Variants in SPATA24 observed in about 807,000 individuals in gnomAD.
The protein encoded by SPATA24 is spermatogenesis associated 24, also known as spermatogenesis-associated protein 24.
SPATA24 carries 21 observed loss-of-function variants against 28.9 expected under a neutral mutation model. That is an observed-to-expected ratio of 0.73 (90% CI 0.52 to 1.05). The LOEUF (loss-of-function observed/expected upper bound fraction) is 1.05, where lower values mean the gene tolerates loss of function less well. Among genes scored for constraint, SPATA24 ranks in the 50% least tolerant of loss-of-function variants. The probability of loss-of-function intolerance (pLI) is 0.00; values close to 1 mark genes in which losing one functional copy is unlikely to be tolerated. For missense variants in SPATA24, 215 were observed against 242.9 expected (o/e 0.88, Z 0.76); for synonymous variants, 76 against 89.9 (o/e 0.85, Z 0.88).
downstream of SPATA24, chr5:139,393,154 G>A: frequency 6.5e-7 from 1 of 1,546,376 alleles, no homozygotes; most frequent in Non-Finnish European, 8.7e-7. Flanking sequence ...AGAGCCTTGT[G>A]CTCCTGCCGG....
downstream of SPATA24, chr5:139,396,335 G>T (rs1758704986): frequency 1.0e-6 from 1 of 985,318 alleles, no homozygotes; most frequent in Admixed American, 6.1e-5. Flanking sequence ...ACCACACACA[G>T]CATTGTCTTT....
Position 139,402,672 on chromosome 5 carries a change from A to C in SPATA24, c.139T>G (p.Phe47Val). Residue 47 changes from phenylalanine to valine, a missense_variant, in exon 2 of 6, where the codon TTT (phenylalanine) becomes GTT (valine). Physicochemically the swap from Phe to Val is conservative, Grantham distance 50 (BLOSUM62 -1). Coordinates refer to ENST00000450845, the MANE Select transcript of SPATA24 (RefSeq NM_194296.2). ...RNVMVLQDEN[F>V]VSKEEFQAVE... is the part of the protein sequence containing the mutation. ...GCCTGGAACTCTTCTTTACTGACAAAATTTTCGTCCTGGAGAACCATCTGC... is the reference window on the plus strand; with the variant it reads ...GCCTGGAACTCTTCTTTACTGACAACATTTTCGTCCTGGAGAACCATCTGC... 6.4e-7 allele frequency: 1 copy of C among 1,551,762 alleles called. No individual in the cohort carries two copies. The highest frequency in any genetic ancestry group is 8.7e-7 in the Non-Finnish European group (1 of 1,146,986).
Position 139,404,077 on chromosome 5 carries a change from C to G in SPATA24, c.-17G>C, listed in dbSNP as rs1758882187. ...CGTCGCCATCTTCCGCCCCCGCCAG[C>G]TAGTTGGAAATGGCTGCCTCGGGGG... On this transcript the variant is annotated 5_prime_UTR_variant, in exon 1 of 6. Coordinates refer to ENST00000450845, the MANE Select transcript of SPATA24 (RefSeq NM_194296.2). The G allele has an allele frequency of 1.9e-6, 3 of 1,547,628 alleles. No individual in the cohort carries two copies. The highest frequency in any genetic ancestry group is 2.4e-5 in the South Asian group (2 of 83,974).
chr5:139,393,088 G>A (rs1758628043), downstream of SPATA24: 1 of 1,525,476 alleles, frequency 6.6e-7, no homozygotes. Context: ...CGGCTCTTGC[G>A]TCTTGGATTC....
Position 139,398,875 on chromosome 5 carries a change from T to C in SPATA24, c.386-1732A>G. 1.8e-5 allele frequency among the ~76,000 whole-genome samples: 2 copies of C among 111,530 alleles called. 1 individual carries two copies. The highest frequency in any genetic ancestry group is 3.3e-5 in the Non-Finnish European group (2 of 60,118). 73.2% of individuals were successfully genotyped at this position (111,530 alleles called of 152,430 possible). A position where few individuals can be genotyped will look rare whatever the true frequency, so the allele number is the denominator to read the frequency against. ...CCCGTCTCTACTAAAAATACAAAAATTAGCTGGGTGTGGTGGCACATGCCT... is the reference window on the plus strand; with the variant it reads ...CCCGTCTCTACTAAAAATACAAAAACTAGCTGGGTGTGGTGGCACATGCCT... On this transcript the variant is annotated intron_variant, in intron 4 of 5. Coordinates refer to ENST00000450845, the MANE Select transcript of SPATA24 (RefSeq NM_194296.2).
rs545107721 is a variant in SPATA24 at position 139,397,267 on chromosome 5, C to A, written c.386-124G>T. The A allele has an allele frequency of 2.6e-5, 17 of 663,502 alleles. No individual in the cohort carries two copies. The East Asian group carries it at 4.3e-4, about 17-fold the overall frequency. 41.1% of individuals were successfully genotyped at this position (663,502 alleles called of 1,614,324 possible). A position where few individuals can be genotyped will look rare whatever the true frequency, so the allele number is the denominator to read the frequency against. ...CCACCCAAGAGTTCTCCATGAAGAA[C>A]TGCTAATACCTTAGTATGAATGAGT... On this transcript the variant is annotated intron_variant, in intron 4 of 5. Transcript: ENST00000450845.
chr5:139,403,956 C>G lies in SPATA24; in HGVS notation c.105G>C (p.Gln35His), dbSNP rs1194524886. 1 of 1,551,496 alleles carries G rather than the reference C, an allele frequency of 6.4e-7. No homozygotes were observed. The highest frequency in any genetic ancestry group is 1.4e-5 in the African/African-American group (1 of 73,050). Reference protein sequence around the residue: ...VIESQEELIHQLRNVMVLQDE... With the variant: ...VIESQEELIHHLRNVMVLQDE... ...TCTGGCTGCATACCACGTTCCTCAG[C>G]TGGTGGATTAGTTCCTCCTGAGACT... is the stretch of plus-strand genomic sequence containing the variant. The change falls in exon 1 of 6, where the codon CAG becomes CAC. Residue 35 changes from glutamine to histidine, a missense_variant. Transcript: ENST00000450845.
At chr5:139,402,525 G>A in intron 2 of SPATA24, 103 bp downstream of exon 2, 1 of 1,057,330 alleles carries the variant, frequency 9.5e-7, no homozygotes, top group East Asian at 2.6e-5. Flanking sequence ...CTACAGTTGT[G>A]AGCCACTGCA....
At chr5:139,398,833 G>A (rs1418475789) in intron 4 of SPATA24, among the ~76,000 whole-genome samples, 1 of 93,870 alleles carries the variant, frequency 1.1e-5, no homozygotes, top group Non-Finnish European at 1.9e-5. Flanking sequence ...AGACCAGCCT[G>A]GCCAACATGG....
At chr5:139,393,770 C>G (rs1210068491), downstream of SPATA24, 1 of 1,551,406 alleles carries the variant, frequency 6.4e-7, no homozygotes, top group South Asian at 1.2e-5. Flanking sequence ...TTTTGATTTT[C>G]CCACTCGGAG....
rs1277998229 is a variant in SPATA24 at position 139,401,786 on chromosome 5, G to T, written c.354C>A (p.Ser118Arg). Residue 118 changes from serine to arginine, a missense_variant, in exon 4 of 6, where the codon AGC (serine) becomes AGA (arginine). Transcript: ENST00000450845. ...SVKSKVLQES[S>R]KKDQLITKCN... ...ACTTGGTGATGAGCTGGTCCTTCTT[G>T]CTGGACTCCTGAAGGACTTTGCTCT... 2.6e-6 allele frequency: 4 copies of T among 1,551,586 alleles called. No homozygotes were observed. The highest frequency in any genetic ancestry group is 3.5e-6 in the Non-Finnish European group (4 of 1,147,004).
chr5:139,395,087 G>C (rs1467074695), downstream of SPATA24: 2 of 1,396,614 alleles, frequency 1.4e-6, no homozygotes, highest in African/African-American at 3.1e-5. Context: ...AGCATGGTGG[G>C]GCCGGACGCC....
downstream of SPATA24, chr5:139,396,111 T>G: frequency 1.1e-6 from 1 of 922,286 alleles, no homozygotes; most frequent in Non-Finnish European, 1.3e-6. Context: ...CACTGCCCCC[T>G]CCTGTGCACT....
chr5:139,396,675 C>T (rs746500820), downstream of SPATA24: 11 of 1,537,364 alleles, frequency 7.2e-6, no homozygotes, highest in African/African-American at 2.7e-5. Context: ...CAAGCCCCCA[C>T]CTTGTGGACC....
intron 4 of SPATA24, among the ~76,000 whole-genome samples, chr5:139,398,158 G>A (rs954720346): frequency 6.6e-6 from 1 of 152,218 alleles, no homozygotes. Flanking sequence ...GGGCTTCAGG[G>A]GTGGTGGGAG....
At chr5:139,401,638 G>A (rs1437342529) in intron 4 of SPATA24, 117 bp downstream of exon 4, 2 of 1,190,034 alleles carry the variant, frequency 1.7e-6, no homozygotes, top group South Asian at 1.3e-5. Context: ...GGGCCTGCCT[G>A]TATCCTCAGC....
chr5:139,393,313 G>C (rs1298538686), downstream of SPATA24: 4 of 1,550,710 alleles, frequency 2.6e-6, no homozygotes, highest in East Asian at 9.8e-5. Flanking sequence ...GTGGCTGCCG[G>C]GCGGCTCGGG....
downstream of SPATA24, among the ~76,000 whole-genome samples, chr5:139,395,981 G>A (rs567105914): frequency 3.3e-5 from 5 of 152,188 alleles, no homozygotes; most frequent in South Asian, 2.1e-4. Context: ...GGGGACAGGC[G>A]CTGGTGGGGA....
downstream of SPATA24, chr5:139,396,370 C>T (rs893967702): frequency 9.1e-6 from 9 of 985,294 alleles, no homozygotes; most frequent in Admixed American, 6.1e-5. Flanking sequence ...TGTGAAGCTC[C>T]CGTTTGGGGG....
Sources: allele counts gnomAD v4.1 joint callset (sites outside exome capture counted in the v4.1 genomes callset), GRCh38; gene constraint gnomAD v4.1.1; transcripts MANE v1.5; gene names NCBI Gene and HGNC (gene_info 2026-07-23, HGNC 2026-07-21).